The following IL1RAPL1 variants were observed in gnomAD, a reference collection of about 807,000 sequenced individuals.
IL1RAPL1 encodes the protein interleukin-1 receptor accessory protein-like 1.
A neutral mutation model predicts 48.4 loss-of-function variants in IL1RAPL1; 3 were observed. That is an observed-to-expected ratio of 0.06 (90% confidence interval 0.03 to 0.16). The LOEUF is 0.16. IL1RAPL1 is among the 10% of genes least tolerant of loss of function. The pLI is 1.00. For synonymous variants in IL1RAPL1, 185 were observed against 187.7 expected (o/e 0.99, Z 0.12); for missense variants, 349 against 530.6 (o/e 0.66, Z 3.36).
chrX:29,899,120 G>GGTGT (rs112187676), intron 6 of IL1RAPL1, among the ~76,000 whole-genome samples: 2,867 of 107,310 alleles, frequency 0.027, 83 homozygotes, highest in African/African-American at 0.093. Flanking sequence ...TATTTATTAG[G>GGTGT]GTGTGTGTGT....
intron 5 of IL1RAPL1, among the ~76,000 whole-genome samples, chrX:29,650,462 T>A (rs1451352057): frequency 9.3e-6 from 1 of 107,809 alleles, no homozygotes; most frequent in African/African-American, 3.4e-5. Flanking sequence ...CAGAAATAAA[T>A]CTACACATTT....
intron 5 of IL1RAPL1, among the ~76,000 whole-genome samples, chrX:29,479,562 T>G (rs1327244412): frequency 9.1e-6 from 1 of 109,548 alleles, no homozygotes; most frequent in Non-Finnish European, 1.9e-5. Context: ...GGTACAGGTT[T>G]TTTTTGGTTA....
At chrX:28,821,292 A>T (rs182741194) in intron 2 of IL1RAPL1, among the ~76,000 whole-genome samples, 1 of 111,182 alleles carries the variant, frequency 9.0e-6, no homozygotes, top group Non-Finnish European at 1.9e-5. Context: ...TTGTCTGAAC[A>T]TTATCTATAT....
chrX:29,274,845 A>G (rs1377346967), intron 2 of IL1RAPL1, among the ~76,000 whole-genome samples: 1 of 110,963 alleles, frequency 9.0e-6, no homozygotes, highest in African/African-American at 3.3e-5. Flanking sequence ...CTGATTTGAA[A>G]TCTCAGAGTC....
chrX:29,135,448 G>A (rs1316791996), intron 2 of IL1RAPL1, among the ~76,000 whole-genome samples: 2 of 111,367 alleles, frequency 1.8e-5, no homozygotes, highest in Non-Finnish European at 3.8e-5. Flanking sequence ...AATCTTAGAG[G>A]GCATACCAGT....
chrX:29,105,463 C>T (rs1051647493), intron 2 of IL1RAPL1, among the ~76,000 whole-genome samples: 5 of 111,968 alleles, frequency 4.5e-5, no homozygotes, highest in Admixed American at 9.5e-5. Context: ...AACAACTGCT[C>T]ATAGCAAATA....
chrX:29,463,310 G>A (rs1190348775), intron 5 of IL1RAPL1, among the ~76,000 whole-genome samples: 1 of 111,560 alleles, frequency 9.0e-6, no homozygotes, highest in East Asian at 2.8e-4. Context: ...CATGTGAATT[G>A]CTGGTGAATT....
intron 6 of IL1RAPL1, among the ~76,000 whole-genome samples, chrX:29,815,488 CTA>C (rs1450871519): frequency 9.0e-6 from 1 of 111,251 alleles, no homozygotes; most frequent in East Asian, 2.8e-4. Context: ...GATAGAGTCT[CTA>C]GGGTTTTCTG....
At chrX:29,826,496 C>T (rs931463051) in intron 6 of IL1RAPL1, among the ~76,000 whole-genome samples, 6 of 111,669 alleles carry the variant, frequency 5.4e-5, no homozygotes, top group Admixed American at 9.5e-5. Flanking sequence ...ACATTTGTAT[C>T]GCCACACAAG....
chrX:28,689,302 C>T (rs2146924319), intron 1 of IL1RAPL1, among the ~76,000 whole-genome samples: 1 of 110,730 alleles, frequency 9.0e-6, no homozygotes, highest in Non-Finnish European at 1.9e-5. Flanking sequence ...ATGCTGTTCT[C>T]ATGATAGTGA....
rs1020558193 is a variant in IL1RAPL1, at chrX:29,409,775, A to G, written c.703+10467A>G. ...TTAAATATTAATAATTAGAATAGTT[A>G]ACACCTACTGAGTGTTCACCGTGTG... On this transcript the variant is annotated intron_variant, in intron 5 of 10. Coordinates refer to ENST00000378993, the MANE Select transcript of IL1RAPL1 (RefSeq NM_014271.4). Among the ~76,000 whole-genome samples the G allele has an allele frequency of 2.5e-4, 28 of 110,280 alleles. No individual in the cohort carries two copies. The Admixed American group carries it at 2.6e-3, about 10-fold the overall frequency.
intron 3 of IL1RAPL1, among the ~76,000 whole-genome samples, chrX:29,393,266 C>CAT (rs1933878443): frequency 9.0e-6 from 1 of 111,577 alleles, no homozygotes; most frequent in East Asian, 2.8e-4. Context: ...GGACTACAGG[C>CAT]GCCCGCCACC....
At chrX:29,586,582 A>G (rs867761226) in intron 5 of IL1RAPL1, among the ~76,000 whole-genome samples, 2 of 111,715 alleles carry the variant, frequency 1.8e-5, no homozygotes, top group Non-Finnish European at 3.8e-5. Flanking sequence ...TAAAAATGCC[A>G]TGGAGATTTT....
At chrX:28,805,846 T>C (rs1936724805) in intron 2 of IL1RAPL1, among the ~76,000 whole-genome samples, 1 of 110,426 alleles carries the variant, frequency 9.1e-6, no homozygotes, top group African/African-American at 3.3e-5. Context: ...CGTTTTTATA[T>C]GTATACATAT....
intron 3 of IL1RAPL1, among the ~76,000 whole-genome samples, chrX:29,328,182 G>A (rs1932854758): frequency 8.9e-6 from 1 of 111,925 alleles, no homozygotes; most frequent in Admixed American, 9.5e-5. Context: ...TATATATGGA[G>A]AAATTTGCTA....
chrX:29,935,111 T>C (rs1338812369), intron 8 of IL1RAPL1, among the ~76,000 whole-genome samples: 2 of 110,886 alleles, frequency 1.8e-5, no homozygotes, highest in African/African-American at 6.6e-5. Flanking sequence ...TGGATGTTTA[T>C]GTGTTTCTGG....
chrX:28,763,829 G>C (rs760574549), intron 1 of IL1RAPL1, among the ~76,000 whole-genome samples: 10 of 110,828 alleles, frequency 9.0e-5, no homozygotes, highest in African/African-American at 3.0e-4. Flanking sequence ...CCTTAATCTA[G>C]TATTCCTCCA....
At chrX:29,515,284 A>G (rs1935434637) in intron 5 of IL1RAPL1, among the ~76,000 whole-genome samples, 2 of 112,683 alleles carry the variant, frequency 1.8e-5, no homozygotes, top group African/African-American at 6.4e-5. Context: ...AATTTCTTAC[A>G]GTGGTAACAT....
At chrX:29,228,839 G>A (rs1008684930) in intron 2 of IL1RAPL1, among the ~76,000 whole-genome samples, 3 of 111,541 alleles carry the variant, frequency 2.7e-5, no homozygotes, top group Middle Eastern at 4.7e-3. Flanking sequence ...ACTATCATCC[G>A]TATTCCCTAT....
Sources: allele counts gnomAD v4.1 joint callset (sites outside exome capture counted in the v4.1 genomes callset), GRCh38; gene constraint gnomAD v4.1.1; transcripts MANE v1.5; gene names NCBI Gene and HGNC (gene_info 2026-07-23, HGNC 2026-07-21).